Variants in PRKCB observed in about 807,000 individuals in gnomAD.
PRKCB encodes the protein protein kinase C beta type.
PRKCB carries 13 observed loss-of-function variants against 81.5 expected under a neutral mutation model. The observed-to-expected ratio is 0.16, with a 90% CI of 0.10 to 0.25. The LOEUF (loss-of-function observed/expected upper bound fraction) is 0.25. Ranked by LOEUF, PRKCB falls within the 10% of genes least tolerant of loss-of-function variation. The probability of loss-of-function intolerance (pLI) is 1.00; values close to 1 mark genes in which losing one functional copy is unlikely to be tolerated. For synonymous variants in PRKCB, 335 were observed against 321.4 expected (o/e 1.04, Z -0.45); for missense variants, 509 against 875.7 (o/e 0.58, Z 5.29).
chr16:24,021,016 CTTTCTTTCTT>C (rs1965361654), intron 3 of PRKCB, among the ~76,000 whole-genome samples: 1 of 139,820 alleles, frequency 7.2e-6, no homozygotes, highest in Non-Finnish European at 1.5e-5. Context: ...TTCTTTCTTT[CTTTCTTTCTT>C]TCTTTCTTTC....
In PRKCB at chr16:24,118,817, G is replaced by A. The variant is rs1156265960; in HGVS notation, c.919-5018G>A. 6.8e-4 allele frequency among the ~76,000 whole-genome samples: 103 copies of A among 152,098 alleles called. 1 individual carries two copies. The highest frequency in any genetic ancestry group is 2.9e-5 in the Non-Finnish European group (2 of 68,026). On this transcript the variant is annotated intron_variant, in intron 8 of 16. Coordinates refer to ENST00000643927, the MANE Select transcript of PRKCB (RefSeq NM_002738.7). ...TTTGTGCCTCAATTTTAAAATGTTC[G>A]CTCTTTGATGCAGTGTGTGCTAGGC...
At chr16:23,982,150 C>A (rs1964739239) in intron 2 of PRKCB, among the ~76,000 whole-genome samples, 1 of 57,628 alleles carries the variant, frequency 1.7e-5, no homozygotes, top group African/African-American at 8.0e-5. Flanking sequence ...CTTCCCTTTC[C>A]CTTCCCCTTC....
chr16:24,026,026 G>A (rs1234418661), intron 3 of PRKCB, among the ~76,000 whole-genome samples: 3 of 152,220 alleles, frequency 2.0e-5, no homozygotes, highest in Non-Finnish European at 2.9e-5. Flanking sequence ...ACTGGGTGTG[G>A]TGGTTCACAC....
chr16:24,151,164 CA>C (rs1967075337), intron 9 of PRKCB, among the ~76,000 whole-genome samples: 1 of 152,122 alleles, frequency 6.6e-6, no homozygotes, highest in African/African-American at 2.4e-5. Context: ...ATTACTTGAA[CA>C]AGCAAATCTC....
At chr16:23,883,899 A>G (rs1281749009) in intron 2 of PRKCB, among the ~76,000 whole-genome samples, 1 of 152,220 alleles carries the variant, frequency 6.6e-6, no homozygotes, top group Non-Finnish European at 1.5e-5. Flanking sequence ...CTTAGCAATC[A>G]CATTAAAATG....
chr16:24,005,528 G>A (rs185576615), intron 3 of PRKCB, among the ~76,000 whole-genome samples: 4 of 152,144 alleles, frequency 2.6e-5, no homozygotes, highest in Admixed American at 2.0e-4. Context: ...CGGCGTAATC[G>A]GGAGTCACTT....
intron 5 of PRKCB, among the ~76,000 whole-genome samples, chr16:24,085,311 T>C (rs767229866): frequency 2.0e-5 from 3 of 152,154 alleles, no homozygotes; most frequent in Non-Finnish European, 4.4e-5. Flanking sequence ...CTTCACGTCG[T>C]CTATTATTCT....
At chr16:23,896,858 G>A (rs1963385969) in intron 2 of PRKCB, among the ~76,000 whole-genome samples, 1 of 151,942 alleles carries the variant, frequency 6.6e-6, no homozygotes, top group Admixed American at 6.6e-5. Context: ...AGAGTCAGCT[G>A]GAAGGCTCTT....
intron 2 of PRKCB, among the ~76,000 whole-genome samples, chr16:23,892,286 C>T (rs192894992): frequency 1.2e-4 from 18 of 152,298 alleles, no homozygotes; most frequent in African/African-American, 4.3e-4. Context: ...ACCCCCTTTG[C>T]TCTTCGTGCT....
intron 2 of PRKCB, among the ~76,000 whole-genome samples, chr16:23,925,201 T>C (rs1394656437): frequency 6.6e-6 from 1 of 152,064 alleles, no homozygotes; most frequent in Non-Finnish European, 1.5e-5. Flanking sequence ...GAACATAAAA[T>C]AGGAAAGCAT....
At chr16:24,098,208 T>C (rs1966465734) in intron 7 of PRKCB, 1 of 152,186 alleles carries the variant, frequency 6.6e-6, no homozygotes, top group Admixed American at 6.5e-5. Flanking sequence ...TCACAAATGG[T>C]TAAAAACATA....
intron 2 of PRKCB, among the ~76,000 whole-genome samples, chr16:23,894,049 T>C (rs1963334342): frequency 6.6e-6 from 1 of 152,204 alleles, no homozygotes; most frequent in African/African-American, 2.4e-5. Context: ...TCAGTGGACA[T>C]AGGCTCTGGT....
chr16:24,127,292 C>T (rs1966846204), intron 9 of PRKCB, among the ~76,000 whole-genome samples: 1 of 152,064 alleles, frequency 6.6e-6, no homozygotes, highest in African/African-American at 2.4e-5. Flanking sequence ...AGGTGTGAGC[C>T]ACCACGCCCG....
chr16:24,119,308 C>T (rs1370359068), intron 8 of PRKCB, among the ~76,000 whole-genome samples: 1 of 152,012 alleles, frequency 6.6e-6, no homozygotes, highest in Non-Finnish European at 1.5e-5. Flanking sequence ...GTTAGCTGCT[C>T]CTTGAAGGAC....
intron 15 of PRKCB, among the ~76,000 whole-genome samples, chr16:24,186,344 G>T (rs1193500280): frequency 4.6e-5 from 7 of 152,158 alleles, no homozygotes; most frequent in Non-Finnish European, 8.8e-5. Context: ...TTAAGTCTGG[G>T]TATGAGTATT....
At chr16:24,102,812 G>T (rs1020813969) in intron 7 of PRKCB, among the ~76,000 whole-genome samples, 1 of 152,000 alleles carries the variant, frequency 6.6e-6, no homozygotes, top group African/African-American at 2.4e-5. Flanking sequence ...TTTGTGTTTG[G>T]CTTTGACTTT....
At chr16:23,866,606 T>C (rs1175200332) in intron 2 of PRKCB, among the ~76,000 whole-genome samples, 2 of 152,162 alleles carry the variant, frequency 1.3e-5, no homozygotes, top group Admixed American at 1.3e-4. Flanking sequence ...GATTCTTTTT[T>C]GGAGGGGTTG....
chr16:24,136,498 G>A (rs1966865218), intron 9 of PRKCB, among the ~76,000 whole-genome samples: 1 of 152,112 alleles, frequency 6.6e-6, no homozygotes, highest in African/African-American at 2.4e-5. Flanking sequence ...GGGTTGTAGG[G>A]GGGCCCCCAG....
chr16:24,061,646 TG>T (rs1192692935), intron 5 of PRKCB, among the ~76,000 whole-genome samples: 3 of 152,302 alleles, frequency 2.0e-5, no homozygotes, highest in African/African-American at 7.2e-5. Context: ...ACAGAGAGGT[TG>T]TTCCTTGGGG....
Sources: gnomAD v4.1 joint callset for allele counts (sites outside exome capture counted in the v4.1 genomes callset) on GRCh38, gnomAD v4.1.1 for gene constraint, MANE v1.5 for transcripts, NCBI Gene and HGNC (gene_info 2026-07-23, HGNC 2026-07-21) for gene names.